The following PRKAR1B variants were observed in gnomAD, a reference collection of about 807,000 sequenced individuals.
PRKAR1B encodes the protein cAMP-dependent protein kinase type I-beta regulatory subunit.
A neutral mutation model predicts 46.5 loss-of-function variants in PRKAR1B; 22 were observed. The observed-to-expected ratio is 0.47, with a 90% CI of 0.34 to 0.68. The LOEUF (loss-of-function observed/expected upper bound fraction) is 0.68. Among genes scored for constraint, PRKAR1B ranks in the 30% least tolerant of loss-of-function variants. The pLI is 0.01. For synonymous variants in PRKAR1B, 259 were observed against 217.7 expected (o/e 1.19, Z -1.67); for missense variants, 445 against 535.6 (o/e 0.83, Z 1.67).
chr7:627,275 C>G (rs1342993326), intron 4 of PRKAR1B, among the ~76,000 whole-genome samples: 1 of 152,228 alleles, frequency 6.6e-6, no homozygotes, highest in Non-Finnish European at 1.5e-5. Flanking sequence ...CAGGCATGAG[C>G]CACAGGGCCT....
chr7:723,565 T>C (rs974089467), intron 1 of PRKAR1B, among the ~76,000 whole-genome samples: 3 of 152,118 alleles, frequency 2.0e-5, no homozygotes, highest in Non-Finnish European at 4.4e-5. Flanking sequence ...CAAGGAAAAG[T>C]GAAGTCCCAC....
At chr7:632,284 ATCT>A (rs1783796977) in intron 4 of PRKAR1B, among the ~76,000 whole-genome samples, 1 of 152,080 alleles carries the variant, frequency 6.6e-6, no homozygotes, top group Non-Finnish European at 1.5e-5. Flanking sequence ...AAGGGCGCAC[ATCT>A]TCTCAACCTC....
intron 4 of PRKAR1B, among the ~76,000 whole-genome samples, chr7:662,637 G>A (rs186639489): frequency 0.01 from 370 of 35,712 alleles, 1 homozygote; most frequent in Middle Eastern, 0.043. Context: ...TACTCTCCCC[G>A]CCATGCCACA....
intron 4 of PRKAR1B, among the ~76,000 whole-genome samples, chr7:669,489 T>A (rs1284442853): frequency 6.6e-6 from 1 of 152,072 alleles, no homozygotes; most frequent in Non-Finnish European, 1.5e-5. Flanking sequence ...ATGGGCTGGG[T>A]GCAGTGGCTC....
chr7:573,239 C>T (rs890806882), intron 9 of PRKAR1B, among the ~76,000 whole-genome samples: 3 of 152,204 alleles, frequency 2.0e-5, no homozygotes, highest in Admixed American at 6.5e-5. Context: ...CATTTTACAG[C>T]GCTATGAAAG....
At chr7:665,719 G>A (rs1000465322) in intron 4 of PRKAR1B, among the ~76,000 whole-genome samples, 1 of 152,190 alleles carries the variant, frequency 6.6e-6, no homozygotes, top group Non-Finnish European at 1.5e-5. Context: ...AAGTCCCAAA[G>A]CCCAAGCCAG....
intron 3 of PRKAR1B, among the ~76,000 whole-genome samples, chr7:680,288 G>T (rs1778590953): frequency 6.6e-6 from 1 of 152,100 alleles, no homozygotes; most frequent in African/African-American, 2.4e-5. Flanking sequence ...TCCTGAGCCT[G>T]TGAGGAACCT....
intron 7 of PRKAR1B, among the ~76,000 whole-genome samples, chr7:594,810 C>T (rs1002383926): frequency 3.9e-5 from 6 of 151,986 alleles, no homozygotes; most frequent in African/African-American, 1.4e-4. Flanking sequence ...GACCCCAAGA[C>T]CATGAGGGGA....
intron 4 of PRKAR1B, among the ~76,000 whole-genome samples, chr7:676,286 C>T (rs1786576647): frequency 6.6e-6 from 1 of 152,218 alleles, no homozygotes; most frequent in Non-Finnish European, 1.5e-5. Context: ...CAAGCCCCTT[C>T]ACGCTCAGCC....
intron 4 of PRKAR1B, among the ~76,000 whole-genome samples, chr7:624,665 A>G (rs1225965398): frequency 6.6e-6 from 1 of 152,230 alleles, no homozygotes. Flanking sequence ...ACATCCACGG[A>G]GACTGGATGA....
chr7:553,243 G>A (rs766853773), intron 9 of PRKAR1B, among the ~76,000 whole-genome samples: 5 of 152,204 alleles, frequency 3.3e-5, no homozygotes, highest in African/African-American at 7.2e-5. Context: ...CTGAACAGCC[G>A]GGGAAACGGT....
At chr7:632,092 C>T (rs532676111) in intron 4 of PRKAR1B, among the ~76,000 whole-genome samples, 45 of 152,338 alleles carry the variant, frequency 3.0e-4, no homozygotes, top group African/African-American at 7.2e-4. Context: ...TGTGAGCCAG[C>T]GTCTCCGTGT....
chr7:727,370 C>G, upstream of PRKAR1B: 1 of 1,029,440 alleles, frequency 9.7e-7, no homozygotes, highest in Non-Finnish European at 1.2e-6. Context: ...ACCCCCACCT[C>G]CACCTCCGCG....
intron 4 of PRKAR1B, among the ~76,000 whole-genome samples, chr7:673,317 G>T (rs755322026): frequency 1.3e-5 from 2 of 152,116 alleles, no homozygotes; most frequent in African/African-American, 2.4e-5. Flanking sequence ...ATTGTAAATT[G>T]ATGTTTAAAT....
chr7:568,834 C>G (rs1325117405), intron 9 of PRKAR1B, among the ~76,000 whole-genome samples: 1 of 152,234 alleles, frequency 6.6e-6, no homozygotes, highest in Admixed American at 6.5e-5. Context: ...GAACCAGCCA[C>G]TGCATTCCAC....
At chr7:693,445 C>T (rs1464574312) in intron 2 of PRKAR1B, among the ~76,000 whole-genome samples, 1 of 151,816 alleles carries the variant, frequency 6.6e-6, no homozygotes, top group East Asian at 1.9e-4. Flanking sequence ...CCCGAATCGA[C>T]TTCCTGTCTC....
chr7:637,065 G>C (rs1311947357), intron 4 of PRKAR1B, among the ~76,000 whole-genome samples: 1 of 151,946 alleles, frequency 6.6e-6, no homozygotes, highest in Non-Finnish European at 1.5e-5. Flanking sequence ...GCGGGTGGAC[G>C]GTTTGAGCTC....
Position 596,274 on chromosome 7 carries a change from T to C in PRKAR1B, c.580A>G (p.Ile194Val), listed in dbSNP as rs1433163289. ...TCCCCGAAGCTGCCTCCCTCGCTGA[T>C]GTTGGTCACCCACTCTCCGTTCACG... ...VYVNGEWVTN[I>V]SEGGSFGELA... Residue 194 changes from isoleucine to valine, a missense_variant, in exon 7 of 11, where the codon ATC becomes GTC. Around this residue, in one of 5 missense-constraint regions of PRKAR1B, gnomAD observed 18 missense variants for 58.1 expected, o/e 0.31. Coordinates refer to ENST00000537384, the MANE Select transcript of PRKAR1B (RefSeq NM_001164760.2). 2 of 1,613,764 alleles carry C rather than the reference T, an allele frequency of 1.2e-6. No individual in the cohort carries two copies. The highest frequency in any genetic ancestry group is 8.5e-7 in the Non-Finnish European group (1 of 1,179,820).
At chr7:701,496 A>T (rs1780068042) in intron 2 of PRKAR1B, among the ~76,000 whole-genome samples, 1 of 152,190 alleles carries the variant, frequency 6.6e-6, no homozygotes, top group Non-Finnish European at 1.5e-5. Context: ...AAAACTTCTC[A>T]AATATGTTGA....
Sources: allele counts gnomAD v4.1 joint callset (sites outside exome capture counted in the v4.1 genomes callset), GRCh38; gene constraint gnomAD v4.1.1; regional missense constraint gnomAD v4.1.1; transcripts MANE v1.5; gene names NCBI Gene and HGNC (gene_info 2026-07-23, HGNC 2026-07-21).